Variants in GRIA4 observed in about 807,000 individuals in gnomAD.
GRIA4 encodes glutamate ionotropic receptor AMPA type subunit 4.
GRIA4 carries 34 observed loss-of-function variants against 104.0 expected under a neutral mutation model. The ratio of observed to expected loss-of-function variants is 0.33; its 90% CI spans 0.25 to 0.44. The LOEUF (loss-of-function observed/expected upper bound fraction) is 0.44, where lower values mean the gene tolerates loss of function less well. GRIA4 is among the 20% of genes least tolerant of loss of function. The pLI, the probability that GRIA4 is intolerant of heterozygous loss-of-function variation, is 1.00. For synonymous variants in GRIA4, 386 were observed against 381.9 expected (o/e 1.01, Z -0.13); for missense variants, 750 against 1,096.5 (o/e 0.68, Z 4.46).
chr11:105,843,877 C>T (rs916225191), intron 4 of GRIA4, among the ~76,000 whole-genome samples: 1 of 152,194 alleles, frequency 6.6e-6, no homozygotes, highest in Non-Finnish European at 1.5e-5. Context: ...ATGTGACCTC[C>T]TCCATTGGTC....
At chr11:105,974,543 T>C in intron 16 of GRIA4, 99 bp downstream of exon 16, 1 of 1,613,478 alleles carries the variant, frequency 6.2e-7, no homozygotes, top group Non-Finnish European at 8.5e-7. Context: ...GAACCGAAAG[T>C]ATTAAAATTT....
intron 3 of GRIA4, among the ~76,000 whole-genome samples, chr11:105,645,692 A>T (rs558016138): frequency 6.6e-6 from 1 of 152,340 alleles, no homozygotes; most frequent in African/African-American, 2.4e-5. Context: ...AATAAAAGAA[A>T]AGGAGGATAC....
chr11:105,805,478 G>GAAAAAAAAAAAAAAAAAAAAAAAAAA (rs57123559), intron 4 of GRIA4, among the ~76,000 whole-genome samples: 7 of 92,474 alleles, frequency 7.6e-5, no homozygotes, highest in African/African-American at 1.4e-4. Flanking sequence ...AAGAAATCAG[G>GAAAAAAAAAAAAAAAAAAAAAAAAAA]AAAAAAAAAA....
chr11:105,751,988 T>C (rs1940025249), intron 3 of GRIA4, among the ~76,000 whole-genome samples: 1 of 152,188 alleles, frequency 6.6e-6, no homozygotes, highest in South Asian at 2.1e-4. Context: ...TGATAAACCA[T>C]AAGAATTTGG....
intron 3 of GRIA4, among the ~76,000 whole-genome samples, chr11:105,666,434 A>G (rs1356003742): frequency 6.6e-6 from 1 of 151,970 alleles, no homozygotes; most frequent in East Asian, 1.9e-4. Context: ...TATGAAAATG[A>G]GTTTATTCCT....
chr11:105,950,876 T>A (rs1948438771), intron 14 of GRIA4, among the ~76,000 whole-genome samples: 1 of 151,870 alleles, frequency 6.6e-6, no homozygotes, highest in South Asian at 2.1e-4. Flanking sequence ...AATATATAGT[T>A]TAGCTATACA....
At chr11:105,710,124 G>C (rs1953858978) in intron 3 of GRIA4, among the ~76,000 whole-genome samples, 1 of 151,926 alleles carries the variant, frequency 6.6e-6, no homozygotes. Context: ...ATTAGGGTCA[G>C]ATAATCAAAT....
rs1947483994 is a variant in GRIA4 at position 105,919,015 on chromosome 11, A to AT, written c.1476+100dup. On this transcript the variant is annotated intron_variant, in intron 11 of 16. Coordinates refer to ENST00000282499, the MANE Select transcript of GRIA4 (RefSeq NM_000829.4). ...ATTTTTAAACGTCTATTATTGTTTA[A>AT]TTTGCAGCAACATTCCAAGAGGCAC... is the stretch of plus-strand genomic sequence containing the variant. 8.2e-6 allele frequency: 6 copies of AT among 732,162 alleles called. No individual in the cohort carries two copies. The Admixed American group carries it at 1.0e-4, about 13-fold the overall frequency. 45.4% of individuals were successfully genotyped at this position (732,162 alleles called of 1,614,324 possible).
At chr11:105,760,649 A>C (rs1441661758) in intron 4 of GRIA4, among the ~76,000 whole-genome samples, 5 of 152,118 alleles carry the variant, frequency 3.3e-5, no homozygotes, top group Non-Finnish European at 7.4e-5. Context: ...ATATGCCTTA[A>C]AATATTTGTG....
At chr11:105,847,258 A>G (rs1944633387) in intron 4 of GRIA4, among the ~76,000 whole-genome samples, 1 of 152,160 alleles carries the variant, frequency 6.6e-6, no homozygotes, top group Non-Finnish European at 1.5e-5. Context: ...TCATGCTCCT[A>G]TGAGCATCTA....
At chr11:105,937,207 G>A (rs762047058) in intron 14 of GRIA4, among the ~76,000 whole-genome samples, 13 of 152,096 alleles carry the variant, frequency 8.5e-5, no homozygotes, top group Non-Finnish European at 1.8e-4. Context: ...GCAATGGAAT[G>A]TAAAGTTTAG....
chr11:105,717,948 A>G (rs1954157946), intron 3 of GRIA4, among the ~76,000 whole-genome samples: 1 of 148,566 alleles, frequency 6.7e-6, no homozygotes, highest in Non-Finnish European at 1.5e-5. Context: ...ACATGGATGA[A>G]ATTGGAAATC....
At chr11:105,702,690 C>CTTTTTTTTT (rs150923757) in intron 3 of GRIA4, among the ~76,000 whole-genome samples, 3 of 96,074 alleles carry the variant, frequency 3.1e-5, no homozygotes, top group African/African-American at 4.1e-5. Context: ...AATTATTTTC[C>CTTTTTTTTT]TTTCTTTTTT....
chr11:105,631,421 G>A (rs1951032727), intron 3 of GRIA4, among the ~76,000 whole-genome samples: 1 of 152,196 alleles, frequency 6.6e-6, no homozygotes, highest in Admixed American at 6.5e-5. Flanking sequence ...AATTTATATG[G>A]AGAGAAATGA....
intron 4 of GRIA4, among the ~76,000 whole-genome samples, chr11:105,833,259 A>G (rs964173083): frequency 3.3e-5 from 5 of 151,998 alleles, no homozygotes; most frequent in Admixed American, 2.0e-4. Context: ...ACCAGTGCTA[A>G]TATTTGATGA....
At chr11:105,684,775 CTGTTT>C (rs1228103752) in intron 3 of GRIA4, among the ~76,000 whole-genome samples, 3 of 151,424 alleles carry the variant, frequency 2.0e-5, no homozygotes, top group Non-Finnish European at 4.4e-5. Context: ...ATTGTTAATA[CTGTTT>C]AAATTGACGT....
chr11:105,807,527 G>T (rs896736744), intron 4 of GRIA4, among the ~76,000 whole-genome samples: 26 of 151,942 alleles, frequency 1.7e-4, no homozygotes, highest in Middle Eastern at 3.4e-3. Flanking sequence ...GGTTACAGAG[G>T]AAAAATCTTT....
chr11:105,730,986 A>C (rs1938550719), intron 3 of GRIA4, among the ~76,000 whole-genome samples: 1 of 152,200 alleles, frequency 6.6e-6, no homozygotes, highest in African/African-American at 2.4e-5. Flanking sequence ...TCATGAGTAA[A>C]ACACCAAAGG....
chr11:105,930,103 G>A (rs1010393310), intron 13 of GRIA4, among the ~76,000 whole-genome samples: 4 of 152,034 alleles, frequency 2.6e-5, no homozygotes, highest in African/African-American at 9.7e-5. Flanking sequence ...TTGATACAGA[G>A]ACCTACTGGG....
Sources: gnomAD v4.1 joint callset for allele counts (sites outside exome capture counted in the v4.1 genomes callset) on GRCh38, gnomAD v4.1.1 for gene constraint, MANE v1.5 for transcripts, NCBI Gene and HGNC (gene_info 2026-07-23, HGNC 2026-07-21) for gene names.